RUNX2: variants seen among roughly 807,000 people sequenced by gnomAD.
The protein encoded by RUNX2 is runt-related transcription factor 2.
A neutral mutation model predicts 51.7 loss-of-function variants in RUNX2; 10 were observed. That is an observed-to-expected ratio of 0.19 (90% CI 0.12 to 0.33). The LOEUF (loss-of-function observed/expected upper bound fraction) is 0.33, where lower values mean the gene tolerates loss of function less well. Among genes scored for constraint, RUNX2 ranks in the 10% least tolerant of loss-of-function variants. The pLI is 1.00. For missense variants in RUNX2, 562 were observed against 691.3 expected (o/e 0.81, Z 2.10); for synonymous variants, 276 against 273.6 (o/e 1.01, Z -0.09).
intron 2 of RUNX2, among the ~76,000 whole-genome samples, chr6:45,412,993 A>G (rs941356096): frequency 6.6e-6 from 1 of 152,124 alleles, no homozygotes; most frequent in African/African-American, 2.4e-5. Context: ...TCAAGTGATC[A>G]GCCCACCTTG....
At chr6:45,542,101 A>G (rs1375345699) in intron 7 of RUNX2, among the ~76,000 whole-genome samples, 2 of 152,138 alleles carry the variant, frequency 1.3e-5, no homozygotes, top group Non-Finnish European at 2.9e-5. Flanking sequence ...TGTGTGAAAG[A>G]TGCCACAGGG....
intron 2 of RUNX2, among the ~76,000 whole-genome samples, chr6:45,385,587 A>AAACT: frequency 6.6e-6 from 1 of 152,344 alleles, no homozygotes; most frequent in South Asian, 2.1e-4. Context: ...ACACAACTTA[A>AAACT]AAGTACTGTA....
intron 2 of RUNX2, among the ~76,000 whole-genome samples, chr6:45,344,178 A>T (rs950970353): frequency 6.6e-6 from 1 of 152,206 alleles, no homozygotes; most frequent in Non-Finnish European, 1.5e-5. Flanking sequence ...AATACTTAGT[A>T]GTATACAAAG....
At chr6:45,412,206 A>G (rs1053131094) in intron 2 of RUNX2, among the ~76,000 whole-genome samples, 1 of 150,300 alleles carries the variant, frequency 6.7e-6, no homozygotes, top group Admixed American at 6.7e-5. Flanking sequence ...AAAAAAAAAA[A>G]TTAGCCGGGC....
chr6:45,376,784 T>C (rs575797991), intron 2 of RUNX2, among the ~76,000 whole-genome samples: 1 of 152,028 alleles, frequency 6.6e-6, no homozygotes, highest in East Asian at 1.9e-4. Flanking sequence ...GCAGGGCGAA[T>C]TTAATTCCTC....
Position 45,525,098 on chromosome 6 carries a change from G to A in RUNX2, c.1021+12691G>A, listed in dbSNP as rs527905064. Among the ~76,000 whole-genome samples the A allele has an allele frequency of 1.3e-4, 20 of 152,258 alleles. No individual in the cohort carries two copies. In the East Asian group the frequency reaches 3.9e-3, roughly 29 times the overall value. ...TGCACTCCAGCCTGGGTGACAGAGT[G>A]AGACTCAGTCTCAAAAGATATAGTA... On this transcript the variant is annotated intron_variant, in intron 7 of 8. Coordinates refer to ENST00000647337, the MANE Select transcript of RUNX2 (RefSeq NM_001024630.4).
intron 2 of RUNX2, among the ~76,000 whole-genome samples, chr6:45,331,885 T>G (rs566952108): frequency 6.6e-6 from 1 of 151,994 alleles, no homozygotes; most frequent in Non-Finnish European, 1.5e-5. Flanking sequence ...AAATCAGTCA[T>G]GCTAAAGTTA....
At chr6:45,441,057 G>A (rs1400980212) in intron 5 of RUNX2, among the ~76,000 whole-genome samples, 1 of 152,144 alleles carries the variant, frequency 6.6e-6, no homozygotes, top group Non-Finnish European at 1.5e-5. Context: ...GCTTTCCTGG[G>A]GCAGTGTTGG....
At chr6:45,466,085 G>T (rs1443747545) in intron 5 of RUNX2, among the ~76,000 whole-genome samples, 1 of 152,048 alleles carries the variant, frequency 6.6e-6, no homozygotes, top group African/African-American at 2.4e-5. Context: ...AAGCCGAGGC[G>T]GGCGGATCAC....
intron 5 of RUNX2, among the ~76,000 whole-genome samples, chr6:45,489,781 G>A (rs1020314777): frequency 1.3e-5 from 2 of 152,196 alleles, no homozygotes; most frequent in African/African-American, 4.8e-5. Flanking sequence ...TGTGAAACTA[G>A]TTAGACCCAG....
intron 2 of RUNX2, among the ~76,000 whole-genome samples, chr6:45,366,942 A>T (rs1005898125): frequency 2.0e-5 from 3 of 152,146 alleles, no homozygotes; most frequent in African/African-American, 7.2e-5. Flanking sequence ...TCTTCTTAAT[A>T]TATCTTTCTA....
chr6:45,459,203 A>G (rs1181597680), intron 5 of RUNX2, among the ~76,000 whole-genome samples: 4 of 152,214 alleles, frequency 2.6e-5, no homozygotes, highest in Non-Finnish European at 4.4e-5. Context: ...ACACATTCTT[A>G]TGGTCACATA....
chr6:45,418,574 T>A (rs755305308), intron 2 of RUNX2, among the ~76,000 whole-genome samples: 1 of 152,206 alleles, frequency 6.6e-6, no homozygotes, highest in Non-Finnish European at 1.5e-5. Flanking sequence ...AATACACATA[T>A]GTAAAACCTC....
At chr6:45,343,663 T>G (rs1038314505) in intron 2 of RUNX2, among the ~76,000 whole-genome samples, 2 of 152,214 alleles carry the variant, frequency 1.3e-5, no homozygotes, top group Non-Finnish European at 2.9e-5. Context: ...TAGTCTATAT[T>G]TCTTCATGTT....
chr6:45,342,879 T>C lies in RUNX2; in HGVS notation c.58+14095T>C, dbSNP rs142071436. Among the ~76,000 whole-genome samples, 122 of 152,328 alleles carry C rather than the reference T, an allele frequency of 8.0e-4. 4 individuals carry two copies. In the East Asian group the frequency reaches 0.023, roughly 29 times the overall value. On this transcript the variant is annotated intron_variant, in intron 2 of 8. Coordinates refer to ENST00000647337, the MANE Select transcript of RUNX2 (RefSeq NM_001024630.4). ...ACAAGATATTTGTAAATCGAAAAAGTATTCTCATGAAAACCATAGAATGTC... is the reference window on the plus strand; with the variant it reads ...ACAAGATATTTGTAAATCGAAAAAGCATTCTCATGAAAACCATAGAATGTC...
rs183237920 is a variant in RUNX2, at chr6:45,398,413, C to T, written c.59-24180C>T. 2.3e-3 allele frequency among the ~76,000 whole-genome samples: 354 copies of T among 152,234 alleles called. 3 individuals carry two copies. The highest frequency in any genetic ancestry group is 0.017 in the Middle Eastern group (5 of 294). On this transcript the variant is annotated intron_variant, in intron 2 of 8. Transcript: ENST00000647337. ...AGAGGCAGTTTAGCTGCATTTTCTC[C>T]CCTCAATTTTTCCTTAAAATATTTA...
At chr6:45,505,687 C>A (rs1800944999) in intron 6 of RUNX2, among the ~76,000 whole-genome samples, 1 of 152,320 alleles carries the variant, frequency 6.6e-6, no homozygotes, top group East Asian at 1.9e-4. Context: ...CCTCTCCCAA[C>A]TAGCATTTTT....
intron 5 of RUNX2, among the ~76,000 whole-genome samples, chr6:45,473,491 G>A (rs1799866014): frequency 6.6e-6 from 1 of 152,340 alleles, no homozygotes; most frequent in East Asian, 1.9e-4. Flanking sequence ...GTACTCAAAG[G>A]TGGGGGAGCG....
chr6:45,367,297 C>T (rs1795298370), intron 2 of RUNX2, among the ~76,000 whole-genome samples: 2 of 151,978 alleles, frequency 1.3e-5, no homozygotes, highest in Admixed American at 1.3e-4. Flanking sequence ...AAACTGAGCC[C>T]GAAAACCAAA....
Sources: gnomAD v4.1 joint callset for allele counts (sites outside exome capture counted in the v4.1 genomes callset) on GRCh38, gnomAD v4.1.1 for gene constraint, MANE v1.5 for transcripts, NCBI Gene and HGNC (gene_info 2026-07-23, HGNC 2026-07-21) for gene names.